Variants in ORC5 observed in about 807,000 individuals in gnomAD.
ORC5 encodes origin recognition complex subunit 5, also known as protein phosphatase 1, regulatory subunit 117.
Under a neutral mutation model 58.8 loss-of-function variants are expected in ORC5, and 39 were observed. That is an observed-to-expected ratio of 0.66 (90% CI 0.51 to 0.87). ORC5 has a LOEUF of 0.87. Among genes scored for constraint, ORC5 ranks in the 40% least tolerant of loss-of-function variants. ORC5 has a pLI of 0.00. For missense variants in ORC5, 493 were observed against 506.3 expected (o/e 0.97, Z 0.25); for synonymous variants, 218 against 177.6 (o/e 1.23, Z -1.81).
chr7:104,180,601 C>CTT (rs35491617), intron 8 of ORC5, among the ~76,000 whole-genome samples: 93,619 of 151,760 alleles, frequency 0.62, 30,746 homozygotes, highest in Non-Finnish European at 0.75. Context: ...CTAGAACTAA[C>CTT]TTGGATTTTC....
intron 11 of ORC5, among the ~76,000 whole-genome samples, chr7:104,164,335 G>C (rs1392385988): frequency 3.3e-5 from 5 of 152,112 alleles, no homozygotes; most frequent in African/African-American, 1.2e-4. Context: ...GAGACAGGAG[G>C]ATCACTTAAG....
intron 2 of ORC5, chr7:104,202,268 C>T (rs1799964087): frequency 5.1e-6 from 1 of 196,870 alleles, no homozygotes; most frequent in Admixed American, 5.9e-5. Context: ...TGGCACTTGG[C>T]ACAAATAATG....
intron 11 of ORC5, 148 bp from the exon 12 acceptor site, chr7:104,161,330 A>G (rs1267506145): frequency 1.8e-6 from 1 of 556,620 alleles, no homozygotes; most frequent in Non-Finnish European, 3.2e-6. Flanking sequence ...CTCTAAGTTA[A>G]AAGTTTAACT....
In ORC5 at chr7:104,183,966, A is replaced by G. The variant is rs1466693765; in HGVS notation, c.801T>C (p.Thr267=). The part of the protein sequence containing the change: ...IEPHLKKAMQ[T]VYLREISSSQ... ...ACCTTGATATTTCCCTGAGATAAACAGTCTGCATAGCTTTCTTCAAATGAG... is the reference window on the plus strand; with the variant it reads ...ACCTTGATATTTCCCTGAGATAAACGGTCTGCATAGCTTTCTTCAAATGAG... The change falls in exon 8 of 14, where the codon ACT becomes ACC. Residue 267 remains threonine (T), a synonymous_variant. Coordinates refer to ENST00000297431, the MANE Select transcript of ORC5 (RefSeq NM_002553.4). The G allele has an allele frequency of 6.2e-7, 1 of 1,612,166 alleles. No homozygotes were observed. Among genetic ancestry groups the G allele is most frequent in the South Asian group, 1.1e-5 (1 of 90,620 alleles).
chr7:104,201,843 C>T (rs1799951751), intron 2 of ORC5, among the ~76,000 whole-genome samples: 1 of 152,042 alleles, frequency 6.6e-6, no homozygotes, highest in African/African-American at 2.4e-5. Context: ...CCTGTAATCC[C>T]AGTGCTTTAG....
chr7:104,176,450 T>C (rs1799322866), intron 8 of ORC5, among the ~76,000 whole-genome samples: 1 of 152,214 alleles, frequency 6.6e-6, no homozygotes, highest in Non-Finnish European at 1.5e-5. Context: ...GTGTCTGCTA[T>C]CTGTCATGTG....
chr7:104,143,344 T>A (rs797014378), intron 12 of ORC5, among the ~76,000 whole-genome samples: 2 of 152,338 alleles, frequency 1.3e-5, no homozygotes, highest in African/African-American at 4.8e-5. Context: ...AATCTGTCTT[T>A]AATATAGTTA....
chr7:104,185,237 ATAAAATTAAATT>A (rs1290493144), intron 6 of ORC5, among the ~76,000 whole-genome samples: 2 of 152,174 alleles, frequency 1.3e-5, no homozygotes, highest in Admixed American at 6.5e-5. Context: ...GGAACTTAAT[ATAAAATTAAATT>A]TAAAATTAAA....
intron 13 of ORC5, among the ~76,000 whole-genome samples, chr7:104,128,785 G>A (rs1798469303): frequency 6.8e-6 from 1 of 147,218 alleles, no homozygotes; most frequent in Non-Finnish European, 1.5e-5. Flanking sequence ...GGACAGAAAA[G>A]GCAAGTGGTA....
At chr7:104,197,671 A>C in intron 4 of ORC5, 54 bp downstream of exon 4, 2 of 1,189,474 alleles carry the variant, frequency 1.7e-6, no homozygotes, top group Non-Finnish European at 1.2e-6. Context: ...AAACTTTTAC[A>C]ACACAATCCA....
intron 11 of ORC5, among the ~76,000 whole-genome samples, chr7:104,164,944 A>ATT (rs1799082172): frequency 6.6e-6 from 1 of 152,184 alleles, no homozygotes; most frequent in Non-Finnish European, 1.5e-5. Flanking sequence ...AAAGAGGAAA[A>ATT]TGCCTGTATT....
intron 12 of ORC5, among the ~76,000 whole-genome samples, chr7:104,151,631 G>C (rs1168085373): frequency 6.6e-6 from 1 of 152,200 alleles, no homozygotes; most frequent in East Asian, 1.9e-4. Context: ...CCCAGGGAAA[G>C]ATTTAGGGAA....
rs1800131774 is a variant in ORC5 at position 104,207,814 on chromosome 7, G to A, written c.72+19C>T. On this transcript the variant is annotated intron_variant, in intron 1 of 13. Coordinates refer to ENST00000297431, the MANE Select transcript of ORC5 (RefSeq NM_002553.4). ...AAACGTCTGCCTCCAGGATCTGGAA[G>A]ACAGTTTAACTACAATACCTCTCCA... 3 of 1,607,060 alleles carry A rather than the reference G, an allele frequency of 1.9e-6. No individual in the cohort carries two copies. Among genetic ancestry groups the A allele is most frequent in the Non-Finnish European group, 2.6e-6 (3 of 1,173,636 alleles).
intron 8 of ORC5, among the ~76,000 whole-genome samples, chr7:104,178,382 A>G (rs1799364686): frequency 6.6e-6 from 1 of 152,084 alleles, no homozygotes; most frequent in African/African-American, 2.4e-5. Flanking sequence ...GTGTCTGTTC[A>G]TATCCTTTGC....
chr7:104,179,070 G>C (rs1241068978), intron 8 of ORC5, among the ~76,000 whole-genome samples: 1 of 150,784 alleles, frequency 6.6e-6, no homozygotes. Flanking sequence ...AGGGTATAAA[G>C]ATGTATTTTT....
In ORC5 at chr7:104,207,997, C is replaced by T. The variant is rs992799436; in HGVS notation, c.-93G>A. The stretch of plus-strand genomic sequence containing the variant: ...TCCCGAGTCTGGCGGCCCACGCTCC[C>T]GCCGGAAACCGGACCCGCAGCGTCG... On this transcript the variant is annotated 5_prime_UTR_variant, in exon 1 of 14. Transcript: ENST00000297431. 6.6e-6 allele frequency: 8 copies of T among 1,214,408 alleles called. No individual in the cohort carries two copies. The African/African-American group carries it at 1.2e-4, about 18-fold the overall frequency. The allele number at this position is 1,214,408 out of a possible 1,614,324, so 75.2% of individuals were successfully genotyped here.
chr7:104,137,654 G>A (rs957769858), intron 12 of ORC5, among the ~76,000 whole-genome samples: 10 of 151,996 alleles, frequency 6.6e-5, no homozygotes, highest in African/African-American at 2.4e-4. Context: ...GCTGGACATC[G>A]AGAGCAACAT....
intron 13 of ORC5, among the ~76,000 whole-genome samples, chr7:104,132,968 T>C (rs1382644748): frequency 2.0e-5 from 3 of 151,966 alleles, no homozygotes; most frequent in Admixed American, 6.6e-5. Context: ...ATGCTGTATA[T>C]ACAAGCATGG....
At chr7:104,185,108 T>C (rs1799516624) in intron 6 of ORC5, among the ~76,000 whole-genome samples, 1 of 151,534 alleles carries the variant, frequency 6.6e-6, no homozygotes, top group South Asian at 2.1e-4. Context: ...TAAATTTGTA[T>C]GCAATAGCTA....
Sources: allele counts gnomAD v4.1 joint callset (sites outside exome capture counted in the v4.1 genomes callset), GRCh38; gene constraint gnomAD v4.1.1; transcripts MANE v1.5; gene names NCBI Gene and HGNC (gene_info 2026-07-23, HGNC 2026-07-21).